Variants in GSDME observed in about 807,000 individuals in gnomAD.
GSDME encodes the protein gasdermin E, also known as gasdermin-E.
Under a neutral mutation model 47.5 loss-of-function variants are expected in GSDME, and 44 were observed. The observed-to-expected ratio is 0.93, with a 90% confidence interval of 0.73 to 1.19. The LOEUF is 1.19. Among genes scored for constraint, GSDME ranks in the 50% most tolerant of loss-of-function variants. The pLI, the probability that GSDME is intolerant of heterozygous loss-of-function variation, is 0.00. For synonymous variants in GSDME, 258 were observed against 252.8 expected (o/e 1.02, Z -0.20); for missense variants, 663 against 604.2 (o/e 1.10, Z -1.02).
rs183786554 is a variant in GSDME, at chr7:24,728,949, G to C, written c.405-9731C>G. On this transcript the variant is annotated intron_variant, in intron 3 of 9. Coordinates refer to ENST00000645220, the MANE Select transcript of GSDME (RefSeq NM_001127453.2). The surrounding 1 kb of genome is among the most constrained non-coding windows in gnomAD (Gnocchi z 7.2). Reference sequence around the variant, plus strand: ...TGCTGGGAAAATCAAAATTGGGGCAGAATGCTCACTGCACATTGTTGCCAA... The same window carrying C: ...TGCTGGGAAAATCAAAATTGGGGCACAATGCTCACTGCACATTGTTGCCAA... 1.1e-4 allele frequency among the ~76,000 whole-genome samples: 16 copies of C among 152,332 alleles called. No homozygotes were observed. In the East Asian group the frequency reaches 2.7e-3, roughly 26 times the overall value.
At chr7:24,710,525 C>T in intron 5 of GSDME, 137 bp from the exon 6 acceptor site, 2 of 817,256 alleles carry the variant, frequency 2.4e-6, no homozygotes, top group Admixed American at 2.1e-5. Flanking sequence ...CCATCTTCCC[C>T]ATAAAATTCG....
At chr7:24,789,212 G>A in the GSDME span, among the ~76,000 whole-genome samples, 2 of 152,132 alleles carry the variant, frequency 1.3e-5, no homozygotes, top group Non-Finnish European at 2.9e-5. Flanking sequence ...TTATTCATAA[G>A]GGTGAATATG....
intron 1 of GSDME, among the ~76,000 whole-genome samples, chr7:24,750,113 A>G (rs1790809080): frequency 6.6e-6 from 1 of 152,186 alleles, no homozygotes; most frequent in Admixed American, 6.5e-5. Flanking sequence ...TTTGTTTATT[A>G]TGGTTATTCA....
chr7:24,728,156 G>A lies in GSDME; in HGVS notation c.405-8938C>T, dbSNP rs1434886069. Among the ~76,000 whole-genome samples, 1 of 152,220 alleles carries A rather than the reference G, an allele frequency of 6.6e-6. No individual in the cohort carries two copies. The highest frequency in any genetic ancestry group is 2.4e-5 in the African/African-American group (1 of 41,456). On this transcript the variant is annotated intron_variant, in intron 3 of 9. Transcript: ENST00000645220. This position sits in a 1 kb window ranked among gnomAD's most constrained non-coding sequence, Gnocchi z 7.2. Reference sequence around the variant, plus strand: ...GGCCAATGAGACCTGAGGAAAATCTGTTAGGGGTTCTCAAGTTTTTCTCCC... The same window carrying A: ...GGCCAATGAGACCTGAGGAAAATCTATTAGGGGTTCTCAAGTTTTTCTCCC...
At chr7:24,708,562 A>C (rs1789218779) in intron 6 of GSDME, among the ~76,000 whole-genome samples, 1 of 152,208 alleles carries the variant, frequency 6.6e-6, no homozygotes, top group African/African-American at 2.4e-5. Context: ...AAGTTATTTA[A>C]ATTCTTCTTT....
rs897025204 is a variant in GSDME at position 24,714,303 on chromosome 7, A to G, written c.697+2951T>C. On this transcript the variant is annotated intron_variant, in intron 5 of 9. Transcript: ENST00000645220. This position sits in a 1 kb window ranked among gnomAD's most constrained non-coding sequence, Gnocchi z 5.0. ...ACGACCAGGATCTCTGTCAAATGCA[A>G]TCCCACCAGGAAGGTAGGGAGAGAG... Among the ~76,000 whole-genome samples the G allele has an allele frequency of 6.6e-6, 1 of 152,146 alleles. No individual in the cohort carries two copies. The highest frequency in any genetic ancestry group is 1.5e-5 in the Non-Finnish European group (1 of 68,022).
At chr7:24,722,420 C>T (rs17275995) in intron 3 of GSDME, among the ~76,000 whole-genome samples, 5,780 of 152,296 alleles carry the variant, frequency 0.038, 152 homozygotes, top group Non-Finnish European at 0.057. Flanking sequence ...TTGTAACCAC[C>T]GGTCAGAACA....
Position 24,710,323 on chromosome 7 carries a change from G to A in GSDME, c.763C>T (p.Leu255=). ...ENKKRIDSVY[L]DPLVFREFAF... ...AACTCTCGAAAGACCAGGGGGTCCA[G>A]GTAGACAGAGTCAATTCTCTTCTTG... The change falls in exon 6 of 10, where the codon CTG becomes TTG. Residue 255 remains leucine (L), a synonymous_variant. Coordinates refer to ENST00000645220, the MANE Select transcript of GSDME (RefSeq NM_001127453.2). The A allele has an allele frequency of 6.2e-7, 1 of 1,614,244 alleles. No homozygotes were observed. The highest frequency in any genetic ancestry group is 8.5e-7 in the Non-Finnish European group (1 of 1,180,044).
chr7:24,707,995 C>T (rs1323582077), intron 7 of GSDME, 132 bp downstream of exon 7: 2 of 1,178,508 alleles, frequency 1.7e-6, no homozygotes, highest in African/African-American at 3.0e-5. Flanking sequence ...ACGCAGGACC[C>T]AAGAGTCAGA....
At chr7:24,743,754 C>T (rs910634757) in intron 3 of GSDME, among the ~76,000 whole-genome samples, 2 of 152,234 alleles carry the variant, frequency 1.3e-5, no homozygotes, top group African/African-American at 4.8e-5. Context: ...TGCCCTCCTG[C>T]AGAGCTTTGC....
In GSDME at chr7:24,721,539, C is replaced by T. The variant is rs1340463907; in HGVS notation, c.405-2321G>A. Among the ~76,000 whole-genome samples, 1 of 152,192 alleles carries T rather than the reference C, an allele frequency of 6.6e-6. No homozygotes were observed. Among genetic ancestry groups the T allele is most frequent in the Non-Finnish European group, 1.5e-5 (1 of 68,032 alleles). On this transcript the variant is annotated intron_variant, in intron 3 of 9. Coordinates refer to ENST00000645220, the MANE Select transcript of GSDME (RefSeq NM_001127453.2). The surrounding 1 kb of genome is among the most constrained non-coding windows in gnomAD (Gnocchi z 4.1). The stretch of plus-strand genomic sequence containing the variant: ...GCATGAACTGTTGGTAACAGGGCCC[C>T]CTCCTCATGGGGTTCCGTCAGGGTT...
chr7:24,704,112 C>T (rs1788996873), intron 8 of GSDME: 1 of 152,254 alleles, frequency 6.6e-6, no homozygotes, highest in African/African-American at 2.4e-5. Flanking sequence ...AGCTTACCCA[C>T]TAATTTTACT....
At chr7:24,740,917 A>T (rs1463527496) in intron 3 of GSDME, among the ~76,000 whole-genome samples, 1 of 152,188 alleles carries the variant, frequency 6.6e-6, no homozygotes, top group Admixed American at 6.5e-5. Flanking sequence ...CTCAATCCCC[A>T]AATAGCCAGG....
the GSDME span, among the ~76,000 whole-genome samples, chr7:24,782,888 T>C: frequency 6.6e-6 from 1 of 152,252 alleles, no homozygotes; most frequent in South Asian, 2.1e-4. Flanking sequence ...TCTGTTCATA[T>C]CCTTTGCCCA....
rs1376821677 is a variant in GSDME, at chr7:24,705,185, GA to G, written c.1183+998del. Reference sequence around the variant, plus strand: ...CTGGCCTGTGTATTAGCTCCTGACAGAATGCCTGTTCTGAAAGACTCTAATA... The same window carrying G: ...CTGGCCTGTGTATTAGCTCCTGACAGATGCCTGTTCTGAAAGACTCTAATA... On this transcript the variant is annotated intron_variant, in intron 8 of 9. Coordinates refer to ENST00000645220, the MANE Select transcript of GSDME (RefSeq NM_001127453.2). The surrounding 1 kb of genome is among the most constrained non-coding windows in gnomAD (Gnocchi z 4.1). 2.0e-5 allele frequency: 3 copies of G among 152,188 alleles called. No individual in the cohort carries two copies. The highest frequency in any genetic ancestry group is 4.4e-5 in the Non-Finnish European group (3 of 68,042). 9.4% of individuals were successfully genotyped at this position (152,188 alleles called of 1,614,324 possible).
chr7:24,701,708 T>G (rs918926123), intron 9 of GSDME, among the ~76,000 whole-genome samples: 6 of 152,180 alleles, frequency 3.9e-5, no homozygotes, highest in African/African-American at 1.4e-4. Flanking sequence ...GCCTTTACCC[T>G]CAGCTGGCCC....
chr7:24,725,761 A>C lies in GSDME; in HGVS notation c.405-6543T>G, dbSNP rs553125454. ...GGGTCAATCTTTAACGACCAGGCCC[A>C]GGGTGTGACGCCGGGCTGTCTGCTT... On this transcript the variant is annotated intron_variant, in intron 3 of 9. Transcript: ENST00000645220. This position sits in a 1 kb window ranked among gnomAD's most constrained non-coding sequence, Gnocchi z 5.1. Among the ~76,000 whole-genome samples the C allele has an allele frequency of 1.2e-4, 18 of 152,310 alleles. No individual in the cohort carries two copies. The highest frequency in any genetic ancestry group is 3.4e-3 in the Middle Eastern group (1 of 294).
Position 24,712,295 on chromosome 7 carries a change from G to A in GSDME, c.698-1907C>T, listed in dbSNP as rs907519523. 6.6e-6 allele frequency among the ~76,000 whole-genome samples: 1 copy of A among 152,150 alleles called. No individual in the cohort carries two copies. The highest frequency in any genetic ancestry group is 2.4e-5 in the African/African-American group (1 of 41,428). On this transcript the variant is annotated intron_variant, in intron 5 of 9. Transcript: ENST00000645220. The surrounding 1 kb of genome is among the most constrained non-coding windows in gnomAD (Gnocchi z 4.4). ...TCATAACTTTGTTCCCTGAGGACAG[G>A]AGCCTTGACCATTCACACAGCCTCA...
In GSDME at chr7:24,749,599, C is replaced by T. The variant is rs1282691711; in HGVS notation, c.176G>A (p.Gly59Asp). Residue 59 changes from glycine to aspartate, a missense_variant, in exon 2 of 10, where the codon GGC (glycine) becomes GAC (aspartate). Coordinates refer to ENST00000645220, the MANE Select transcript of GSDME (RefSeq NM_001127453.2). ...AAATTGGTCTTCTATGAGTACATCG[C>T]CAAGGGTGAGGGATAAAAACTGGTA... is the stretch of plus-strand genomic sequence containing the variant. ...PKYQFLSLTLGDVLIEDQFPS... is the reference protein window; with the variant it reads ...PKYQFLSLTLDDVLIEDQFPS... The T allele has an allele frequency of 6.2e-7, 1 of 1,613,854 alleles. No homozygotes were observed. Among genetic ancestry groups the T allele is most frequent in the South Asian group, 1.1e-5 (1 of 91,058 alleles).
Sources: allele counts gnomAD v4.1 joint callset (sites outside exome capture counted in the v4.1 genomes callset), GRCh38; gene constraint gnomAD v4.1.1; non-coding constraint Gnocchi (gnomAD v3.1); transcripts MANE v1.5; gene names NCBI Gene and HGNC (gene_info 2026-07-23, HGNC 2026-07-21).